YBEY: variants seen among roughly 807,000 people sequenced by gnomAD.
YBEY encodes endoribonuclease YbeY.
In YBEY, 15 loss-of-function variants were observed where a neutral mutation model predicts 13.5. The observed-to-expected ratio is 1.11, with a 90% CI of 0.75 to 1.72. The LOEUF is 1.72. Among genes scored for constraint, YBEY ranks in the 40% most tolerant of loss-of-function variants. The pLI, the probability that YBEY is intolerant of heterozygous loss-of-function variation, is 0.00. For missense variants in YBEY, 244 were observed against 208.4 expected (o/e 1.17, Z -1.05); for synonymous variants, 101 against 83.1 (o/e 1.21, Z -1.17).
chr21:46,303,652 A>G, the YBEY span, among the ~76,000 whole-genome samples: 3 of 138,006 alleles, frequency 2.2e-5, no homozygotes, highest in Non-Finnish European at 4.6e-5. Context: ...AGGAGCTGAC[A>G]CCAGTCATAG....
the YBEY span, among the ~76,000 whole-genome samples, chr21:46,303,925 G>C: frequency 7.3e-6 from 1 of 136,112 alleles, no homozygotes; most frequent in Non-Finnish European, 1.6e-5. Flanking sequence ...CTAATTTTTT[G>C]TATTTTTTGT....
the YBEY span, among the ~76,000 whole-genome samples, chr21:46,310,306 T>C: frequency 6.7e-6 from 1 of 149,524 alleles, no homozygotes; most frequent in Non-Finnish European, 1.5e-5. Flanking sequence ...GTGAAACCCC[T>C]GTCTCTACCA....
At position 46,286,668 on chromosome 21, in the gene YBEY, C is replaced by G. The variant is rs17176102; in HGVS notation, c.-44-202C>G. 110 of 364,608 alleles carry G rather than the reference C, an allele frequency of 3.0e-4. 1 individual carries two copies. In the East Asian group the frequency reaches 5.2e-3, roughly 17 times the overall value. 22.6% of individuals were successfully genotyped at this position (364,608 alleles called of 1,614,324 possible). A position where few individuals can be genotyped will look rare whatever the true frequency, so the allele number is the denominator to read the frequency against. On this transcript the variant is annotated intron_variant, in intron 1 of 4. Transcript: ENST00000397701. ...TGGGAACCGCTCCTTCCGCTCCGCCCGCCTGGAGTCCTTCTGGCCGGATTC... is the reference window on the plus strand; with the variant it reads ...TGGGAACCGCTCCTTCCGCTCCGCCGGCCTGGAGTCCTTCTGGCCGGATTC...
At chr21:46,311,288 T>C in the YBEY span, among the ~76,000 whole-genome samples, 12 of 152,346 alleles carry the variant, frequency 7.9e-5, no homozygotes, top group East Asian at 1.7e-3. Context: ...TACCTCTTGT[T>C]TCCTTCCCTG....
chr21:46,296,239 C>G lies in YBEY; in HGVS notation c.408+9C>G. 1 of 1,613,198 alleles carries G rather than the reference C, an allele frequency of 6.2e-7. No individual in the cohort carries two copies. The highest frequency in any genetic ancestry group is 8.5e-7 in the Non-Finnish European group (1 of 1,179,990). On this transcript the variant is annotated intron_variant, in intron 4 of 4. Transcript: ENST00000397701. ...AGGCAGAGTGGCAGCAGGTAAGGAG[C>G]CCATCCATCCCACTACCGAGGGGGT... is the stretch of plus-strand genomic sequence containing the variant.
intron 2 of YBEY, among the ~76,000 whole-genome samples, chr21:46,287,903 C>T (rs34586434): frequency 0.41 from 61,844 of 151,388 alleles, 13,169 homozygotes; most frequent in Admixed American, 0.48. Flanking sequence ...TCCTAGCTAC[C>T]TGGGAGGCTG....
At chr21:46,294,973 C>G (rs1000758402) in intron 3 of YBEY, among the ~76,000 whole-genome samples, 2 of 152,140 alleles carry the variant, frequency 1.3e-5, no homozygotes, top group African/African-American at 4.8e-5. Flanking sequence ...TCCCTCCAGA[C>G]CTGGGTGGGA....
intron 2 of YBEY, among the ~76,000 whole-genome samples, chr21:46,288,754 G>A (rs1214733912): frequency 6.6e-6 from 1 of 151,718 alleles, no homozygotes; most frequent in African/African-American, 2.4e-5. Flanking sequence ...TTTATTGGCT[G>A]GGCCTATAAT....
intron 3 of YBEY, among the ~76,000 whole-genome samples, chr21:46,293,360 AGTC>A (rs1569100307): frequency 6.5e-4 from 27 of 41,376 alleles, no homozygotes; most frequent in Non-Finnish European, 1.0e-3. Flanking sequence ...GACTCAGTGG[AGTC>A]AGCCACGCAA....
chr21:46,304,297 TG>T, the YBEY span, among the ~76,000 whole-genome samples: 3 of 152,014 alleles, frequency 2.0e-5, no homozygotes, highest in Non-Finnish European at 4.4e-5. Flanking sequence ...CCCAAAGTGA[TG>T]GGATTACAGG....
chr21:46,297,954 T>C (rs1295252481), downstream of YBEY, among the ~76,000 whole-genome samples: 5 of 151,708 alleles, frequency 3.3e-5, no homozygotes, highest in Non-Finnish European at 7.4e-5. Flanking sequence ...CCGCAGCGCG[T>C]CCTTCCGTAG....
intron 2 of YBEY, among the ~76,000 whole-genome samples, chr21:46,289,189 A>G (rs1354198101): frequency 6.6e-6 from 1 of 152,194 alleles, no homozygotes; most frequent in Non-Finnish European, 1.5e-5. Context: ...TACCAAGTGG[A>G]AAGAACAGGA....
chr21:46,297,268 C>T (rs1601606023), intron 4 of YBEY, among the ~76,000 whole-genome samples: 1 of 127,098 alleles, frequency 7.9e-6, no homozygotes, highest in African/African-American at 2.8e-5. Flanking sequence ...CCTCCCCCTT[C>T]CCTTCCCACC....
In YBEY at chr21:46,291,586, C is replaced by T. The variant is rs1462173880; in HGVS notation, c.339+124C>T. 7 of 1,505,068 alleles carry T rather than the reference C, an allele frequency of 4.7e-6. No individual in the cohort carries two copies. The Admixed American group carries it at 7.0e-5, about 15-fold the overall frequency. 93.2% of individuals were successfully genotyped at this position (1,505,068 alleles called of 1,614,324 possible). A position where few individuals can be genotyped will look rare whatever the true frequency, so the allele number is the denominator to read the frequency against. On this transcript the variant is annotated intron_variant, in intron 3 of 4. Coordinates refer to ENST00000397701, the MANE Select transcript of YBEY (RefSeq NM_001314025.2). ...ACCGTAAGGGCTACTGGGGGAAGAA[C>T]CTGTAAGCAGGGTGTGAGGAGCACC...
intron 2 of YBEY, among the ~76,000 whole-genome samples, chr21:46,288,857 A>G (rs1397370121): frequency 6.6e-6 from 1 of 152,100 alleles, no homozygotes; most frequent in Non-Finnish European, 1.5e-5. Context: ...GTTTCTACAA[A>G]AAATAAAAAC....
In YBEY at chr21:46,286,836, T is replaced by C. The variant is rs184277898; in HGVS notation, c.-44-34T>C. The C allele has an allele frequency of 9.0e-6, 12 of 1,330,070 alleles. 1 individual carries two copies. In the East Asian group the frequency reaches 2.8e-4, roughly 31 times the overall value. 82.4% of individuals were successfully genotyped at this position (1,330,070 alleles called of 1,614,324 possible). A position where few individuals can be genotyped will look rare whatever the true frequency, so the allele number is the denominator to read the frequency against. The stretch of plus-strand genomic sequence containing the variant: ...TTTTTACAGACCGTATTATCACTTG[T>C]ACTGATTGGTCTTCTCTTACACTTT... On this transcript the variant is annotated intron_variant, in intron 1 of 4. Transcript: ENST00000397701.
intron 2 of YBEY, among the ~76,000 whole-genome samples, chr21:46,288,129 A>C (rs1375189938): frequency 6.6e-6 from 1 of 152,220 alleles, no homozygotes; most frequent in Non-Finnish European, 1.5e-5. Flanking sequence ...TGCAGTTTTA[A>C]GTGGGATTCG....
At chr21:46,308,433 C>T in the YBEY span, among the ~76,000 whole-genome samples, 1 of 151,952 alleles carries the variant, frequency 6.6e-6, no homozygotes, top group Non-Finnish European at 1.5e-5. Flanking sequence ...TGCACTCCAG[C>T]CTGGGCAAAA....
intron 2 of YBEY, 125 bp from the exon 3 acceptor site, chr21:46,291,209 A>AC: frequency 2.6e-6 from 3 of 1,156,318 alleles, no homozygotes; most frequent in Non-Finnish European, 2.2e-6. Flanking sequence ...AAAAAAAAAA[A>AC]AAAAAAAGTG....
Sources: gnomAD v4.1 joint callset for allele counts (sites outside exome capture counted in the v4.1 genomes callset) on GRCh38, gnomAD v4.1.1 for gene constraint, MANE v1.5 for transcripts, NCBI Gene and HGNC (gene_info 2026-07-23, HGNC 2026-07-21) for gene names.